Variants in CCDC171 observed in about 807,000 individuals in gnomAD.
CCDC171 encodes coiled-coil domain containing 171.
Under a neutral mutation model 168.2 loss-of-function variants are expected in CCDC171, and 177 were observed. The ratio of observed to expected loss-of-function variants is 1.05; its 90% CI spans 0.93 to 1.19. The LOEUF is 1.19. Among genes scored for constraint, CCDC171 ranks in the 50% most tolerant of loss-of-function variants. The pLI is 0.00. For missense variants in CCDC171, 1,991 were observed against 1,539.0 expected (o/e 1.29, Z -4.91); for synonymous variants, 687 against 540.8 (o/e 1.27, Z -3.75).
Position 15,912,885 on chromosome 9 carries a change from A to G in CCDC171, c.3601-7385A>G, listed in dbSNP as rs568047059. On this transcript the variant is annotated intron_variant, in intron 24 of 25. Transcript: ENST00000380701. The stretch of plus-strand genomic sequence containing the variant: ...AACCAGCCTTGCATCCCAAGGATGA[A>G]GCCAACTGGATCATGGTGGATAAGC... Among the ~76,000 whole-genome samples the G allele has an allele frequency of 3.9e-5, 6 of 152,358 alleles. No individual in the cohort carries two copies. In the East Asian group the frequency reaches 1.2e-3, roughly 29 times the overall value.
At chr9:15,894,600 C>T (rs1195235821) in intron 24 of CCDC171, among the ~76,000 whole-genome samples, 1 of 152,046 alleles carries the variant, frequency 6.6e-6, no homozygotes, top group Admixed American at 6.6e-5. Flanking sequence ...CATTCTCCAT[C>T]TCATTCACTG....
chr9:16,050,465 T>C (rs1023934822), intron 1 of CCDC171, among the ~76,000 whole-genome samples: 1 of 152,006 alleles, frequency 6.6e-6, no homozygotes, highest in East Asian at 1.9e-4. Context: ...AGATGAACAA[T>C]ACAAGAACTC....
chr9:15,553,474 C>G (rs115171752), intron 1 of CCDC171, 172 bp downstream of exon 1: 1 of 152,316 alleles, frequency 6.6e-6, no homozygotes, highest in Admixed American at 6.5e-5. Context: ...AGGAAGATCT[C>G]CGTGGAGCAT....
intron 21 of CCDC171, among the ~76,000 whole-genome samples, chr9:15,807,910 TTATGG>T (rs2059152768): frequency 2.6e-5 from 4 of 151,646 alleles, no homozygotes; most frequent in African/African-American, 9.7e-5. Flanking sequence ...CCAGATGATT[TTATGG>T]CTCCTCTCAT....
chr9:16,030,256 T>TATATATAAAG (rs1443613363), intron 6 of CCDC171, among the ~76,000 whole-genome samples: 21 of 152,170 alleles, frequency 1.4e-4, no homozygotes, highest in African/African-American at 4.8e-4. Context: ...ATATATCTAG[T>TATATATAAAG]AGTGGTAGCA....
chr9:16,091,647 C>T, the CCDC171 span, among the ~76,000 whole-genome samples: 1 of 152,124 alleles, frequency 6.6e-6, no homozygotes, highest in Non-Finnish European at 1.5e-5. Context: ...GGCTCAGATT[C>T]AAGGTGAGCT....
intron 21 of CCDC171, among the ~76,000 whole-genome samples, chr9:15,817,019 T>C (rs2059584098): frequency 8.5e-6 from 1 of 118,130 alleles, no homozygotes; most frequent in Non-Finnish European, 1.9e-5. Context: ...TATGTGTGTG[T>C]GTGTATTTCC....
chr9:16,018,745 CT>C (rs1291084950), intron 3 of CCDC171, among the ~76,000 whole-genome samples: 1 of 152,176 alleles, frequency 6.6e-6, no homozygotes, highest in African/African-American at 2.4e-5. Context: ...ACTGAGTCTA[CT>C]TTTTTTGTTA....
chr9:16,067,201 T>C, the CCDC171 span, among the ~76,000 whole-genome samples: 10 of 152,226 alleles, frequency 6.6e-5, no homozygotes, highest in South Asian at 1.9e-3. Context: ...TTTGCATTTC[T>C]CTGATGGCCA....
intron 25 of CCDC171, among the ~76,000 whole-genome samples, chr9:15,922,913 A>T (rs1233274883): frequency 6.6e-6 from 1 of 151,192 alleles, no homozygotes; most frequent in African/African-American, 2.4e-5. Context: ...AAATCAGGTT[A>T]TTTGTTTTCT....
chr9:15,772,298 T>G (rs569007148), intron 18 of CCDC171, among the ~76,000 whole-genome samples: 1 of 152,190 alleles, frequency 6.6e-6, no homozygotes, highest in Non-Finnish European at 1.5e-5. Context: ...TCATACTGCG[T>G]TTTTCATGAA....
intron 24 of CCDC171, among the ~76,000 whole-genome samples, chr9:15,915,169 A>G (rs1027083675): frequency 2.0e-5 from 3 of 152,148 alleles, no homozygotes; most frequent in African/African-American, 4.8e-5. Flanking sequence ...GAAAAATGAC[A>G]TTGGTAATTT....
intron 6 of CCDC171, among the ~76,000 whole-genome samples, chr9:16,023,191 G>A (rs996436190): frequency 2.6e-5 from 4 of 151,824 alleles, no homozygotes; most frequent in Non-Finnish European, 5.9e-5. Flanking sequence ...TCCCTTCCCA[G>A]CAATTTGAAC....
chr9:16,010,755 A>AAG (rs910966051), intron 3 of CCDC171, among the ~76,000 whole-genome samples: 11 of 151,570 alleles, frequency 7.3e-5, no homozygotes, highest in Admixed American at 6.6e-5. Context: ...TTATTAAAAA[A>AAG]AAAAACCCAA....
At position 15,728,070 on chromosome 9, in the gene CCDC171, A is replaced by T. The variant is rs1241308867; in HGVS notation, c.1860+34A>T. The T allele has an allele frequency of 1.9e-6, 3 of 1,544,794 alleles. No homozygotes were observed. In the African/African-American group the frequency reaches 4.1e-5, roughly 21 times the overall value. ...CCTCAGGCACCAGATACCTCTATTA[A>T]ATTCAGTGACATTTGTCCACATCAC... On this transcript the variant is annotated intron_variant, in intron 15 of 25. Coordinates refer to ENST00000380701, the MANE Select transcript of CCDC171 (RefSeq NM_173550.4).
intron 1 of CCDC171, among the ~76,000 whole-genome samples, chr9:16,059,795 TGAGC>T (rs1295687528): frequency 4.0e-5 from 6 of 150,042 alleles, no homozygotes; most frequent in Non-Finnish European, 8.9e-5. Flanking sequence ...ATTACAGGCG[TGAGC>T]CACCGCGCCT....
chr9:16,021,085 A>G (rs1190924021), intron 4 of CCDC171, among the ~76,000 whole-genome samples: 1 of 152,154 alleles, frequency 6.6e-6, no homozygotes, highest in African/African-American at 2.4e-5. Flanking sequence ...CACTTTCAAT[A>G]AGACAATTTT....
At chr9:15,968,054 A>G (rs1195975368) in intron 25 of CCDC171, among the ~76,000 whole-genome samples, 1 of 152,210 alleles carries the variant, frequency 6.6e-6, no homozygotes, top group Non-Finnish European at 1.5e-5. Flanking sequence ...ACTGTATTTC[A>G]TAAGATTTTT....
chr9:16,038,652 G>A (rs1361664727), upstream of CCDC171, among the ~76,000 whole-genome samples: 1 of 151,862 alleles, frequency 6.6e-6, no homozygotes, highest in East Asian at 1.9e-4. Context: ...AAAAAAGAAA[G>A]CAAAGATCAT....
Sources: allele counts gnomAD v4.1 joint callset (sites outside exome capture counted in the v4.1 genomes callset), GRCh38; gene constraint gnomAD v4.1.1; transcripts MANE v1.5; gene names NCBI Gene and HGNC (gene_info 2026-07-23, HGNC 2026-07-21).